ACSM6: variants seen among roughly 807,000 people sequenced by gnomAD.
The protein encoded by ACSM6 is acyl-coenzyme A synthetase ACSM6, mitochondrial.
Under a neutral mutation model 51.1 loss-of-function variants are expected in ACSM6, and 35 were observed. The ratio of observed to expected loss-of-function variants is 0.69; its 90% CI spans 0.52 to 0.91. The LOEUF is 0.91. ACSM6 is among the 40% of genes least tolerant of loss of function. The pLI, the probability that ACSM6 is intolerant of heterozygous loss-of-function variation, is 0.00. For synonymous variants in ACSM6, 172 were observed against 207.3 expected (o/e 0.83, Z 1.46); for missense variants, 509 against 584.1 (o/e 0.87, Z 1.32).
At chr10:95,200,102 G>A (rs917785476) in intron 2 of ACSM6, among the ~76,000 whole-genome samples, 4 of 151,982 alleles carry the variant, frequency 2.6e-5, no homozygotes, top group African/African-American at 9.7e-5. Flanking sequence ...GGAACCAAAT[G>A]TCCAACAATG....
At chr10:95,215,122 C>G (rs1044659190) in intron 8 of ACSM6, 147 bp downstream of exon 8, 2 of 891,370 alleles carry the variant, frequency 2.2e-6, no homozygotes, top group Admixed American at 3.0e-5. Context: ...CTAGGGAGAC[C>G]CCTCTTCCAT....
chr10:95,225,976 T>G (rs189330540), intron 10 of ACSM6: 1 of 152,360 alleles, frequency 6.6e-6, no homozygotes, highest in African/African-American at 2.4e-5. Flanking sequence ...ATATTGTTTC[T>G]TTATAATGAG....
At position 95,219,821 on chromosome 10, in the gene ACSM6, A is replaced by G. The variant is rs536902993; in HGVS notation, c.1120-70A>G. The G allele has an allele frequency of 5.3e-4, 612 of 1,163,884 alleles. 6 individuals are homozygous for G. In the South Asian group the frequency reaches 7.6e-3, roughly 15 times the overall value. 72.1% of individuals were successfully genotyped at this position (1,163,884 alleles called of 1,614,324 possible). ...GTTAGGAGGCACATAATGTCTGGTTATGATCAATAACTAGATCCATTAATT... is the reference window on the plus strand; with the variant it reads ...GTTAGGAGGCACATAATGTCTGGTTGTGATCAATAACTAGATCCATTAATT... On this transcript the variant is annotated intron_variant, in intron 8 of 10. Coordinates refer to ENST00000341686, the Ensembl canonical transcript of ACSM6.
intron 2 of ACSM6, among the ~76,000 whole-genome samples, chr10:95,197,815 C>T (rs200607634): frequency 6.6e-6 from 1 of 152,220 alleles, no homozygotes; most frequent in Non-Finnish European, 1.5e-5. Flanking sequence ...TCTCATCCCA[C>T]GAGGCCATAT....
At chr10:95,200,540 A>T (rs538645963) in intron 2 of ACSM6, among the ~76,000 whole-genome samples, 59 of 150,922 alleles carry the variant, frequency 3.9e-4, no homozygotes, top group Non-Finnish European at 6.8e-4. Context: ...AAGAAGAAGA[A>T]GATGAAAAGA....
At chr10:95,225,418 T>C (rs2035028406) in intron 10 of ACSM6, 27 bp downstream of exon 10, 1 of 1,381,704 alleles carries the variant, frequency 7.2e-7, no homozygotes, top group Non-Finnish European at 1.0e-6. Flanking sequence ...CTTTCCTAAA[T>C]ACTTTCATTG....
chr10:95,226,517 G>A (rs1222646436), intron 10 of ACSM6: 1 of 152,266 alleles, frequency 6.6e-6, no homozygotes, highest in African/African-American at 2.4e-5. Context: ...AGAGTGTAGT[G>A]AGCTGGGTGT....
intron 2 of ACSM6, chr10:95,201,526 G>A (rs1041965311): frequency 2.2e-6 from 1 of 455,466 alleles, no homozygotes; most frequent in Non-Finnish European, 4.4e-6. Context: ...CATGTTGTAT[G>A]TATACCACAT....
chr10:95,195,704 C>G, intron 2 of ACSM6, among the ~76,000 whole-genome samples: 1 of 151,950 alleles, frequency 6.6e-6, no homozygotes, highest in East Asian at 1.9e-4. Context: ...CCCCAGGCCC[C>G]TTCCTGGCCC....
chr10:95,226,171 C>T (rs954738107), intron 10 of ACSM6: 1 of 152,106 alleles, frequency 6.6e-6, no homozygotes, highest in Non-Finnish European at 1.5e-5. Flanking sequence ...AATAATCTGC[C>T]GTGTAACAAT....
At chr10:95,208,793 G>T (rs2034866535) in intron 4 of ACSM6, among the ~76,000 whole-genome samples, 1 of 151,658 alleles carries the variant, frequency 6.6e-6, no homozygotes. Flanking sequence ...TGTATATAGG[G>T]CTTAGTACTA....
intron 8 of ACSM6, among the ~76,000 whole-genome samples, chr10:95,217,175 T>C (rs2034953421): frequency 6.7e-6 from 1 of 149,234 alleles, no homozygotes; most frequent in South Asian, 2.1e-4. Flanking sequence ...TGTGAAACCC[T>C]GTATTTACTA....
intron 2 of ACSM6, 42 bp from the exon 3 acceptor site, chr10:95,201,943 C>A: frequency 1.3e-6 from 2 of 1,521,338 alleles, no homozygotes; most frequent in South Asian, 1.2e-5. Flanking sequence ...AGCCAATGTC[C>A]ATGCTGACTA....
intron 2 of ACSM6, among the ~76,000 whole-genome samples, chr10:95,199,669 AC>A (rs2034773154): frequency 6.6e-6 from 1 of 151,994 alleles, no homozygotes; most frequent in Non-Finnish European, 1.5e-5. Flanking sequence ...AAAACAAACA[AC>A]CCCATCAAAA....
chr10:95,202,359 C>T (rs990443782), intron 3 of ACSM6, among the ~76,000 whole-genome samples, 164 bp downstream of exon 3: 3 of 152,222 alleles, frequency 2.0e-5, no homozygotes, highest in African/African-American at 7.2e-5. Context: ...AGCTCCACCA[C>T]TTACCACCTC....
intron 8 of ACSM6, among the ~76,000 whole-genome samples, chr10:95,216,630 G>A (rs2034947792): frequency 1.3e-5 from 2 of 152,088 alleles, no homozygotes; most frequent in African/African-American, 2.4e-5. Flanking sequence ...TGCACATAGC[G>A]TCAGAGAAGT....
At chr10:95,205,880 G>A (rs1344948802) in intron 3 of ACSM6, among the ~76,000 whole-genome samples, 1 of 152,102 alleles carries the variant, frequency 6.6e-6, no homozygotes, top group African/African-American at 2.4e-5. Flanking sequence ...CTATAAGATG[G>A]CAATCAGTGA....
At chr10:95,210,576 C>T in intron 4 of ACSM6, 74 bp from the exon 5 acceptor site, 5 of 1,428,954 alleles carry the variant, frequency 3.5e-6, no homozygotes, top group Non-Finnish European at 4.7e-6. Context: ...CAGAGATTAC[C>T]AAACCCAGGG....
chr10:95,210,850 G>T, intron 5 of ACSM6, 57 bp downstream of exon 5: 1 of 1,557,984 alleles, frequency 6.4e-7, no homozygotes. Context: ...CAGGTAAAGG[G>T]AGCTTCATGG....
Sources: allele counts gnomAD v4.1 joint callset (sites outside exome capture counted in the v4.1 genomes callset), GRCh38; gene constraint gnomAD v4.1.1; transcripts MANE v1.5; gene names NCBI Gene and HGNC (gene_info 2026-07-23, HGNC 2026-07-21).